Variants in KAT6A observed in about 807,000 individuals in gnomAD.
KAT6A encodes lysine acetyltransferase 6A.
In KAT6A, 9 loss-of-function variants were observed where a neutral mutation model predicts 198.4. The observed-to-expected ratio is 0.05, with a 90% CI of 0.03 to 0.08. KAT6A has a LOEUF of 0.08. KAT6A is among the 10% of genes least tolerant of loss of function. KAT6A has a pLI of 1.00. For synonymous variants in KAT6A, 890 were observed against 883.0 expected, an observed-to-expected ratio of 1.01 and a Z score of -0.14; for missense variants, 2,077 against 2,509.9, an observed-to-expected ratio of 0.83 and a Z score of 3.69.
chr8:42,004,937 A>T (rs1056177673), intron 2 of KAT6A, among the ~76,000 whole-genome samples: 1 of 152,146 alleles, frequency 6.6e-6, no homozygotes, highest in African/African-American at 2.4e-5. Context: ...TCTAAAAAAA[A>T]AAAAGGCACT....
intron 2 of KAT6A, among the ~76,000 whole-genome samples, chr8:41,990,615 T>C (rs193048150): frequency 6.6e-6 from 1 of 152,296 alleles, no homozygotes; most frequent in Non-Finnish European, 1.5e-5. Context: ...TAAGGAAAGA[T>C]GTTCAACCTC....
At chr8:41,959,159 G>GAA (rs57009251) in intron 8 of KAT6A, among the ~76,000 whole-genome samples, 5 of 82,862 alleles carry the variant, frequency 6.0e-5, no homozygotes, top group African/African-American at 1.5e-4. Flanking sequence ...AGACTGTCTC[G>GAA]AAAAAAAAAA....
In KAT6A at chr8:41,955,352, A is replaced by G; in HGVS notation, c.1542T>C (p.Phe514=). 1 of 1,613,616 alleles carries G rather than the reference A, an allele frequency of 6.2e-7. No individual in the cohort carries two copies. Among genetic ancestry groups the G allele is most frequent in the South Asian group, 1.1e-5 (1 of 91,042 alleles). The change falls in exon 9 of 17, where the codon TTT becomes TTC. Residue 514 remains phenylalanine, a synonymous_variant. Transcript: ENST00000265713. Reference sequence around the variant, plus strand: ...ACCAGGTGTGAATTTCATACTTCCCAAACTCAATGACAGAGGGACAGCGGA... The same window carrying G: ...ACCAGGTGTGAATTTCATACTTCCCGAACTCAATGACAGAGGGACAGCGGA... ...PQVRCPSVIE[F]GKYEIHTWYS... is the part of the protein sequence containing the mutation.
At chr8:41,964,423 A>C (rs548426684) in intron 8 of KAT6A, among the ~76,000 whole-genome samples, 1 of 152,140 alleles carries the variant, frequency 6.6e-6, no homozygotes, top group Non-Finnish European at 1.5e-5. Context: ...CAAAACCTAC[A>C]GTGAATACCT....
At chr8:41,996,556 G>A (rs1023520163) in intron 2 of KAT6A, among the ~76,000 whole-genome samples, 1 of 152,144 alleles carries the variant, frequency 6.6e-6, no homozygotes, top group Non-Finnish European at 1.5e-5. Flanking sequence ...GGGGGCTTTC[G>A]GAAGGTAATT....
intron 5 of KAT6A, 97 bp downstream of exon 5, chr8:41,980,749 G>T: frequency 1.1e-6 from 1 of 892,466 alleles, no homozygotes; most frequent in Non-Finnish European, 1.9e-6. Context: ...CAAAAAGAAA[G>T]ATCCAATTAT....
intron 2 of KAT6A, among the ~76,000 whole-genome samples, chr8:42,032,763 C>T (rs1311318203): frequency 6.6e-6 from 1 of 151,754 alleles, no homozygotes; most frequent in Non-Finnish European, 1.5e-5. Context: ...AGAGCCAATA[C>T]ACAGTGAGGC....
At chr8:42,004,043 C>T (rs1433178958) in intron 2 of KAT6A, among the ~76,000 whole-genome samples, 1 of 152,182 alleles carries the variant, frequency 6.6e-6, no homozygotes, top group African/African-American at 2.4e-5. Context: ...AGTGAAATCA[C>T]CTCATACTAT....
chr8:42,015,030 A>G (rs1251170396), intron 2 of KAT6A, among the ~76,000 whole-genome samples: 1 of 152,230 alleles, frequency 6.6e-6, no homozygotes, highest in African/African-American at 2.4e-5. Flanking sequence ...CTCCAGAAAC[A>G]CTATTTCAAA....
chr8:42,000,124 C>T (rs1232402845), intron 2 of KAT6A, among the ~76,000 whole-genome samples: 1 of 152,158 alleles, frequency 6.6e-6, no homozygotes, highest in Non-Finnish European at 1.5e-5. Flanking sequence ...ACTTATGCAA[C>T]TGCATTAAGA....
chr8:42,002,259 G>C (rs1825532032), intron 2 of KAT6A, among the ~76,000 whole-genome samples: 2 of 152,284 alleles, frequency 1.3e-5, no homozygotes, highest in Admixed American at 1.3e-4. Flanking sequence ...CAGGCAGTCT[G>C]GCTCCAGAGC....
At chr8:41,976,763 T>C (rs1824073638) in intron 7 of KAT6A, among the ~76,000 whole-genome samples, 1 of 152,206 alleles carries the variant, frequency 6.6e-6, no homozygotes, top group Admixed American at 6.5e-5. Context: ...TTTGTGGTTC[T>C]ACAAAAAAGC....
rs1301202391 is a variant in KAT6A at position 41,929,992 on chromosome 8, T to C, written c.*2213A>G. 4.5e-6 allele frequency: 1 copy of C among 221,098 alleles called. No homozygotes were observed. Among genetic ancestry groups the C allele is most frequent in the African/African-American group, 2.2e-5 (1 of 44,616 alleles). The allele number at this position is 221,098 out of a possible 1,614,324, so 13.7% of individuals were successfully genotyped here. ...AAAATACATTTTTTTTAAACAGAAG[T>C]GAAAAAATGACAGGTACCAATATTA... On this transcript the variant is annotated 3_prime_UTR_variant, in exon 17 of 17. Transcript: ENST00000265713.
intron 2 of KAT6A, among the ~76,000 whole-genome samples, chr8:42,021,316 T>C (rs543726799): frequency 3.3e-5 from 5 of 152,368 alleles, no homozygotes; most frequent in Admixed American, 6.5e-5. Flanking sequence ...TACTTTGTTT[T>C]GTCTTGTTTT....
At chr8:41,969,582 C>A (rs1367321504) in intron 8 of KAT6A, among the ~76,000 whole-genome samples, 1 of 152,200 alleles carries the variant, frequency 6.6e-6, no homozygotes, top group Non-Finnish European at 1.5e-5. Flanking sequence ...GAAAAGCCTG[C>A]AAAGTGGTTT....
intron 2 of KAT6A, among the ~76,000 whole-genome samples, chr8:41,992,258 C>T (rs1226325846): frequency 6.6e-6 from 1 of 151,806 alleles, no homozygotes; most frequent in Non-Finnish European, 1.5e-5. Context: ...TAGTTGAAGG[C>T]ATCACTGTGA....
intron 2 of KAT6A, among the ~76,000 whole-genome samples, chr8:42,007,961 CAAAAAAA>C (rs988491987): frequency 5.4e-4 from 23 of 42,896 alleles, no homozygotes; most frequent in Middle Eastern, 0.014. Context: ...GACTCCGTCT[CAAAAAAA>C]AAAAAAAAAA....
chr8:42,027,950 T>G (rs770569593), intron 2 of KAT6A, among the ~76,000 whole-genome samples: 4 of 152,210 alleles, frequency 2.6e-5, no homozygotes, highest in Non-Finnish European at 4.4e-5. Context: ...GCTTTTGCTA[T>G]ATCCCATTTG....
In KAT6A at chr8:41,933,997, T is replaced by G. The variant is rs904555328; in HGVS notation, c.4223A>C (p.Glu1408Ala). ...EDSHTKEELI[E>A]LKEEEEIPHS... ...AGGAATCTCTTCCTCCTCTTTTAAT[T>G]CGATTAACTCTTCCTTAGTGTGGGA... Residue 1408 changes from glutamate to alanine, a missense_variant, in exon 17 of 17, where the codon GAA becomes GCA. Physicochemically the swap from Glu to Ala is moderately radical, Grantham distance 107. Coordinates refer to ENST00000265713, the MANE Select transcript of KAT6A (RefSeq NM_006766.5). This position sits in a 1 kb window ranked among gnomAD's most constrained non-coding sequence, Gnocchi z 6.2. The G allele has an allele frequency of 6.8e-6, 11 of 1,613,970 alleles. 1 individual carries two copies. Among genetic ancestry groups the G allele is most frequent in the East Asian group, 6.7e-5 (3 of 44,872 alleles).
Sources: allele counts gnomAD v4.1 joint callset (sites outside exome capture counted in the v4.1 genomes callset), GRCh38; gene constraint gnomAD v4.1.1; non-coding constraint Gnocchi (gnomAD v3.1); transcripts MANE v1.5; gene names NCBI Gene and HGNC (gene_info 2026-07-23, HGNC 2026-07-21).